GNAZ: variants seen among roughly 807,000 people sequenced by gnomAD.
The protein encoded by GNAZ is G protein subunit alpha z.
GNAZ carries 3 observed loss-of-function variants against 25.4 expected under a neutral mutation model. That is an observed-to-expected ratio of 0.12 (90% CI 0.05 to 0.30). GNAZ has a LOEUF of 0.30. GNAZ is among the 10% of genes least tolerant of loss of function. The pLI, the probability that GNAZ is intolerant of heterozygous loss-of-function variation, is 1.00. For missense variants in GNAZ, 241 were observed against 501.8 expected, an observed-to-expected ratio of 0.48 and a Z score of 4.97; for synonymous variants, 211 against 205.7, an observed-to-expected ratio of 1.03 and a Z score of -0.22.
intron 1 of GNAZ, among the ~76,000 whole-genome samples, chr22:23,090,259 C>G (rs2068932520): frequency 6.6e-6 from 1 of 152,146 alleles, no homozygotes; most frequent in Non-Finnish European, 1.5e-5. Flanking sequence ...CTTCAGCCTA[C>G]TGGCTGGTCC....
chr22:23,096,016 C>G lies in GNAZ; in HGVS notation c.321C>G (p.Leu107=), dbSNP rs1395485556. ...ACCGCGCCTACGACGCTGTGCAGCT[C>G]TTTGCGCTGACGGGCCCCGCTGAGA... ...NPDRAYDAVQ[L]FALTGPAESK... The change falls in exon 2 of 3, where the codon CTC becomes CTG. Residue 107 remains leucine, a synonymous_variant. Transcript: ENST00000615612. 9 of 1,607,492 alleles carry G rather than the reference C, an allele frequency of 5.6e-6. No individual in the cohort carries two copies. Among genetic ancestry groups the G allele is most frequent in the African/African-American group, 2.7e-5 (2 of 74,952 alleles).
chr22:23,114,727 A>G (rs768510237), intron 2 of GNAZ, among the ~76,000 whole-genome samples: 2 of 152,030 alleles, frequency 1.3e-5, no homozygotes, highest in East Asian at 3.9e-4. Context: ...TGGAGGGGGG[A>G]CAGGTTCAGA....
intron 1 of GNAZ, among the ~76,000 whole-genome samples, chr22:23,091,814 G>T (rs937412823): frequency 6.6e-6 from 1 of 152,250 alleles, no homozygotes; most frequent in African/African-American, 2.4e-5. Flanking sequence ...CAAGGGCTCA[G>T]TTGGACTTCT....
chr22:23,079,821 C>T (rs1430085876), intron 1 of GNAZ, among the ~76,000 whole-genome samples: 1 of 152,130 alleles, frequency 6.6e-6, no homozygotes, highest in African/African-American at 2.4e-5. Context: ...GTGCCAGCCT[C>T]AGTTCTCAAG....
chr22:23,102,104 C>T (rs564272755), intron 2 of GNAZ, among the ~76,000 whole-genome samples: 5 of 152,368 alleles, frequency 3.3e-5, no homozygotes, highest in African/African-American at 9.6e-5. Context: ...GCCATCCCTT[C>T]AGCACCGGCT....
chr22:23,121,018 A>G (rs752904253), intron 2 of GNAZ, among the ~76,000 whole-genome samples: 1 of 152,196 alleles, frequency 6.6e-6, no homozygotes, highest in Non-Finnish European at 1.5e-5. Context: ...CCAGGAATCC[A>G]TTAGAGCTAA....
At chr22:23,092,836 G>A (rs1196029362) in intron 1 of GNAZ, among the ~76,000 whole-genome samples, 1 of 152,218 alleles carries the variant, frequency 6.6e-6, no homozygotes, top group Non-Finnish European at 1.5e-5. Context: ...GCGCCTGGCT[G>A]TACCTCAGAT....
At chr22:23,111,368 T>C (rs1181179897) in intron 2 of GNAZ, among the ~76,000 whole-genome samples, 2 of 152,200 alleles carry the variant, frequency 1.3e-5, no homozygotes, top group African/African-American at 4.8e-5. Context: ...GCAAGCGCAC[T>C]GGACTCGGTT....
chr22:23,117,273 G>A (rs1007942602), intron 2 of GNAZ, among the ~76,000 whole-genome samples: 7 of 152,140 alleles, frequency 4.6e-5, no homozygotes, highest in East Asian at 1.9e-4. Context: ...GTGCCGACAC[G>A]GTATGTTTTA....
At chr22:23,088,996 T>C (rs920729709) in intron 1 of GNAZ, among the ~76,000 whole-genome samples, 2 of 152,184 alleles carry the variant, frequency 1.3e-5, no homozygotes, top group African/African-American at 4.8e-5. Flanking sequence ...ACTATCTCCC[T>C]GGGGGCAGGG....
Position 23,095,683 on chromosome 22 carries a change from C to A in GNAZ, c.-13C>A. The A allele has an allele frequency of 6.3e-7, 1 of 1,593,320 alleles. No homozygotes were observed. Among genetic ancestry groups the A allele is most frequent in the Non-Finnish European group, 8.5e-7 (1 of 1,170,440 alleles). The stretch of plus-strand genomic sequence containing the variant: ...ATCCCGTGCTCCTTGTCTGGGCCCG[C>A]TGCTGCCAGACCATGGGATGTCGGC... On this transcript the variant is annotated 5_prime_UTR_variant, in exon 2 of 3. In the 5' UTR this introduces an upstream ATG that the reference lacks. Transcript: ENST00000615612.
intron 1 of GNAZ, among the ~76,000 whole-genome samples, chr22:23,084,143 GT>G (rs1009191451): frequency 7.2e-5 from 11 of 152,188 alleles, no homozygotes; most frequent in Non-Finnish European, 1.5e-5. Context: ...GGCAAGTGGG[GT>G]TTTTATCTTC....
intron 1 of GNAZ, among the ~76,000 whole-genome samples, chr22:23,079,570 C>T (rs1601757622): frequency 6.6e-6 from 1 of 152,142 alleles, no homozygotes; most frequent in East Asian, 1.9e-4. Context: ...GCGTCGGGAG[C>T]AAACATGAGA....
chr22:23,091,129 G>C (rs992985001), intron 1 of GNAZ, among the ~76,000 whole-genome samples: 6 of 152,318 alleles, frequency 3.9e-5, no homozygotes, highest in African/African-American at 1.4e-4. Flanking sequence ...ACCACATGCA[G>C]ACAGAGGCAT....
intron 1 of GNAZ, among the ~76,000 whole-genome samples, chr22:23,085,744 C>T (rs1359117210): frequency 6.6e-6 from 1 of 152,240 alleles, no homozygotes; most frequent in East Asian, 1.9e-4. Context: ...CCCCATGTAC[C>T]CCACTTGTGT....
chr22:23,104,455 C>T (rs535988841), intron 2 of GNAZ, among the ~76,000 whole-genome samples: 8 of 152,178 alleles, frequency 5.3e-5, no homozygotes, highest in Non-Finnish European at 1.0e-4. Context: ...TGCTTCCCAC[C>T]CCACATCCCC....
chr22:23,116,137 T>A (rs1433620723), intron 2 of GNAZ, among the ~76,000 whole-genome samples: 2 of 152,250 alleles, frequency 1.3e-5, no homozygotes, highest in East Asian at 3.8e-4. Context: ...GGGTAAGCCT[T>A]GCTTCGTGAA....
chr22:23,116,393 A>G (rs564105325), intron 2 of GNAZ, among the ~76,000 whole-genome samples: 5 of 152,358 alleles, frequency 3.3e-5, no homozygotes, highest in Non-Finnish European at 7.4e-5. Context: ...CGCCTGTGAC[A>G]GGGCACCTGA....
At chr22:23,110,487 C>T (rs2069613759) in intron 2 of GNAZ, among the ~76,000 whole-genome samples, 2 of 152,218 alleles carry the variant, frequency 1.3e-5, no homozygotes. Flanking sequence ...TGCCCACTGC[C>T]CTGTCTCTCA....
Sources: allele counts gnomAD v4.1 joint callset (sites outside exome capture counted in the v4.1 genomes callset), GRCh38; gene constraint gnomAD v4.1.1; transcripts MANE v1.5; gene names NCBI Gene and HGNC (gene_info 2026-07-23, HGNC 2026-07-21).